GLIS3: variants seen among roughly 807,000 people sequenced by gnomAD.
The protein encoded by GLIS3 is zinc finger protein GLIS3.
In GLIS3, 53 loss-of-function variants were observed where a neutral mutation model predicts 78.6. The ratio of observed to expected loss-of-function variants is 0.67; its 90% confidence interval spans 0.54 to 0.85. GLIS3 has a LOEUF of 0.85. Among genes scored for constraint, GLIS3 ranks in the 40% least tolerant of loss-of-function variants. The pLI is 0.00. For missense variants in GLIS3, 1,703 were observed against 1,231.1 expected (o/e 1.38, Z -5.74); for synonymous variants, 684 against 509.9 (o/e 1.34, Z -4.60).
At chr9:3,866,417 C>T (rs1051944414) in intron 8 of GLIS3, among the ~76,000 whole-genome samples, 2 of 152,086 alleles carry the variant, frequency 1.3e-5, no homozygotes, top group Admixed American at 6.6e-5. Context: ...GCCGAGATCA[C>T]GCCACTGCAC....
chr9:4,017,329 T>C (rs1414550680), intron 4 of GLIS3, among the ~76,000 whole-genome samples: 1 of 152,216 alleles, frequency 6.6e-6, no homozygotes, highest in African/African-American at 2.4e-5. Context: ...GCAAGCAGCA[T>C]GTCCTTCTTC....
chr9:4,362,191 A>T, the GLIS3 span, among the ~76,000 whole-genome samples: 1 of 152,246 alleles, frequency 6.6e-6, no homozygotes, highest in African/African-American at 2.4e-5. Flanking sequence ...TTTTCCCTGA[A>T]ACCAGTGGAA....
At chr9:4,218,693 G>C (rs1163556670) in intron 2 of GLIS3, among the ~76,000 whole-genome samples, 1 of 152,150 alleles carries the variant, frequency 6.6e-6, no homozygotes, top group Non-Finnish European at 1.5e-5. Context: ...GGAAAAAACT[G>C]ATTTTTTTAT....
intron 6 of GLIS3, among the ~76,000 whole-genome samples, chr9:3,910,231 G>A (rs1280796085): frequency 1.3e-5 from 2 of 152,210 alleles, no homozygotes; most frequent in Admixed American, 1.3e-4. Context: ...TATTTGAGAA[G>A]CTTCAAAATG....
the GLIS3 span, among the ~76,000 whole-genome samples, chr9:4,489,604 C>T: frequency 6.6e-6 from 1 of 152,132 alleles, no homozygotes; most frequent in Non-Finnish European, 1.5e-5. Flanking sequence ...CTTAGCAACA[C>T]CAAATATATT....
Position 3,859,731 on chromosome 9 carries a change from C to G in GLIS3, c.2298-3547G>C, listed in dbSNP as rs529999356. 5.9e-5 allele frequency among the ~76,000 whole-genome samples: 9 copies of G among 152,240 alleles called. No individual in the cohort carries two copies. In the South Asian group the frequency reaches 6.2e-4, roughly 11 times the overall value. ...ACTTCAGAGATTTCACTGGACATGG[C>G]TTATTAGTCTCTTCTTTAGCCTTTT... On this transcript the variant is annotated intron_variant, in intron 8 of 10. Coordinates refer to ENST00000381971, the MANE Select transcript of GLIS3 (RefSeq NM_001042413.2).
At chr9:3,990,422 C>G (rs139180979) in intron 4 of GLIS3, among the ~76,000 whole-genome samples, 2 of 152,326 alleles carry the variant, frequency 1.3e-5, no homozygotes, top group African/African-American at 4.8e-5. Flanking sequence ...GCACCTGGCA[C>G]AGTCCTTGGC....
chr9:3,928,368 A>T (rs1210510154), intron 6 of GLIS3, among the ~76,000 whole-genome samples: 3 of 152,248 alleles, frequency 2.0e-5, no homozygotes, highest in Non-Finnish European at 4.4e-5. Flanking sequence ...TTGTGCATAC[A>T]CCATCTGCCG....
At chr9:4,332,525 A>C (rs1335997573) in intron 2 of GLIS3, among the ~76,000 whole-genome samples, 1 of 152,224 alleles carries the variant, frequency 6.6e-6, no homozygotes, top group Non-Finnish European at 1.5e-5. Context: ...TGGCTGAAAC[A>C]GTGACAGCTG....
chr9:4,421,588 C>T, the GLIS3 span, among the ~76,000 whole-genome samples: 22 of 152,302 alleles, frequency 1.4e-4, no homozygotes, highest in Non-Finnish European at 2.5e-4. Flanking sequence ...TAAAAAGGAC[C>T]TCACCCAAGA....
the GLIS3 span, among the ~76,000 whole-genome samples, chr9:4,396,610 C>T: frequency 6.6e-6 from 1 of 152,202 alleles, no homozygotes; most frequent in African/African-American, 2.4e-5. Flanking sequence ...TTCTAGCTAG[C>T]TTTAATCTTG....
the GLIS3 span, among the ~76,000 whole-genome samples, chr9:4,465,424 C>T: frequency 6.6e-6 from 1 of 152,184 alleles, no homozygotes; most frequent in Non-Finnish European, 1.5e-5. Flanking sequence ...TGACACGCAA[C>T]TGTAGTCCCA....
chr9:4,087,607 TA>T (rs1829143566), intron 4 of GLIS3, among the ~76,000 whole-genome samples: 1 of 152,064 alleles, frequency 6.6e-6, no homozygotes, highest in Non-Finnish European at 1.5e-5. Flanking sequence ...TCATAGAGCT[TA>T]AAAATAGAGT....
Position 4,309,232 on chromosome 9 carries a change from T to C in GLIS3, n.393-264A>G, listed in dbSNP as rs184229189. On this transcript the variant is annotated intron_variant and non_coding_transcript_variant, in intron 3 of 4. Coordinates refer to the GLIS3 transcript ENST00000471664. ...TTCCCTCCAGCCAAAGCCATTGCTGTCTACATAATAGGCACTCAATAGTCT... is the reference window on the plus strand; with the variant it reads ...TTCCCTCCAGCCAAAGCCATTGCTGCCTACATAATAGGCACTCAATAGTCT... Among the ~76,000 whole-genome samples, 167 of 152,256 alleles carry C rather than the reference T, an allele frequency of 1.1e-3. 3 individuals carry two copies. Among genetic ancestry groups the C allele is most frequent in the African/African-American group, 3.9e-3 (163 of 41,560 alleles).
chr9:4,197,899 A>G (rs1586949794), intron 2 of GLIS3, among the ~76,000 whole-genome samples: 1 of 152,210 alleles, frequency 6.6e-6, no homozygotes, highest in East Asian at 1.9e-4. Context: ...CATTCTCTAC[A>G]ATCACGCCCC....
At chr9:4,322,898 A>G (rs1387220703) in intron 2 of GLIS3, among the ~76,000 whole-genome samples, 3 of 152,194 alleles carry the variant, frequency 2.0e-5, no homozygotes, top group African/African-American at 7.2e-5. Context: ...TTTGCTGTGC[A>G]GAAGCTCTTT....
intron 2 of GLIS3, among the ~76,000 whole-genome samples, chr9:4,282,533 C>T (rs947097953): frequency 6.6e-6 from 1 of 152,138 alleles, no homozygotes; most frequent in Non-Finnish European, 1.5e-5. Flanking sequence ...TAACTTCAAA[C>T]TGAAACATCA....
intron 2 of GLIS3, among the ~76,000 whole-genome samples, chr9:4,237,692 C>G (rs948574559): frequency 6.6e-6 from 1 of 151,834 alleles, no homozygotes; most frequent in African/African-American, 2.4e-5. Flanking sequence ...CTTGATTCAC[C>G]CTCTCATTAA....
At position 3,898,744 on chromosome 9, in the gene GLIS3, G is replaced by T; in HGVS notation, c.2075C>A (p.Ala692Asp). 6.2e-7 allele frequency: 1 copy of T among 1,614,208 alleles called. No individual in the cohort carries two copies. Residue 692 changes from alanine to aspartate, a missense_variant, in exon 7 of 11, where the codon GCT (alanine) becomes GAT (aspartate). Coordinates refer to ENST00000381971, the MANE Select transcript of GLIS3 (RefSeq NM_001042413.2). ...GGAGCGTCCCACGGTCCCTTCAGCA[G>T]CAGCATCTCTAGGGGAAGTGGCCGG... ...LQPATSPRDAAAEGTVGRSPG... is the reference protein window; with the variant it reads ...LQPATSPRDADAEGTVGRSPG...
Sources: gnomAD v4.1 joint callset for allele counts (sites outside exome capture counted in the v4.1 genomes callset) on GRCh38, gnomAD v4.1.1 for gene constraint, MANE v1.5 for transcripts, NCBI Gene and HGNC (gene_info 2026-07-23, HGNC 2026-07-21) for gene names.